Variants in FARS2 observed in about 807,000 individuals in gnomAD.
FARS2 encodes the protein phenylalanyl-tRNA synthetase 2, mitochondrial, also known as phenylalanine--tRNA ligase, mitochondrial.
A neutral mutation model predicts 46.4 loss-of-function variants in FARS2; 40 were observed. The observed-to-expected ratio is 0.86, with a 90% CI of 0.67 to 1.12. FARS2 has a LOEUF of 1.12. Among genes scored for constraint, FARS2 ranks in the 50% most tolerant of loss-of-function variants. The probability of loss-of-function intolerance (pLI) is 0.00; values close to 1 mark genes in which losing one functional copy is unlikely to be tolerated. For synonymous variants in FARS2, 234 were observed against 214.9 expected, an observed-to-expected ratio of 1.09 and a Z score of -0.78; for missense variants, 513 against 567.9, an observed-to-expected ratio of 0.90 and a Z score of 0.98.
At chr6:5,478,704 G>A (rs768095288) in intron 4 of FARS2, among the ~76,000 whole-genome samples, 41 of 152,164 alleles carry the variant, frequency 2.7e-4, no homozygotes, top group Non-Finnish European at 4.9e-4. Flanking sequence ...ATGGTGGTTC[G>A]TCCAGGGTGC....
intron 5 of FARS2, among the ~76,000 whole-genome samples, chr6:5,582,409 C>G (rs1041284455): frequency 3.9e-5 from 6 of 152,240 alleles, no homozygotes; most frequent in Admixed American, 2.6e-4. Flanking sequence ...CCCACGGTGG[C>G]TATGCTGAAT....
At chr6:5,525,062 A>G (rs1561684401) in intron 4 of FARS2, among the ~76,000 whole-genome samples, 2 of 151,946 alleles carry the variant, frequency 1.3e-5, no homozygotes, top group African/African-American at 2.4e-5. Context: ...GTAGAATGCA[A>G]AAGGGTGGTG....
chr6:5,539,940 C>T (rs187753529), intron 4 of FARS2, among the ~76,000 whole-genome samples: 5 of 152,248 alleles, frequency 3.3e-5, no homozygotes, highest in Admixed American at 2.0e-4. Flanking sequence ...ATTCAGAAGA[C>T]GTGCCACATC....
chr6:5,501,132 G>A lies in FARS2; in HGVS notation c.905-44048G>A, dbSNP rs971474568. Among the ~76,000 whole-genome samples the A allele has an allele frequency of 4.6e-5, 7 of 152,086 alleles. No individual in the cohort carries two copies. The East Asian group carries it at 1.4e-3, about 29-fold the overall frequency. On this transcript the variant is annotated intron_variant, in intron 4 of 6. Transcript: ENST00000274680. ...AGACCAAGCCAGCAGATGTAAACAT[G>A]ATATGAATGAACATTGCCACTCGCC...
chr6:5,336,670 A>G (rs536893136), intron 1 of FARS2, among the ~76,000 whole-genome samples: 3 of 152,234 alleles, frequency 2.0e-5, no homozygotes, highest in African/African-American at 4.8e-5. Flanking sequence ...TACACCCTTT[A>G]TTTTAAAATG....
intron 6 of FARS2, chr6:5,695,080 G>GT (rs374111755): frequency 6.6e-6 from 1 of 152,182 alleles, no homozygotes; most frequent in East Asian, 1.9e-4. Context: ...CTCAATTCTG[G>GT]TTTTTTCTTG....
intron 6 of FARS2, among the ~76,000 whole-genome samples, chr6:5,722,245 A>G (rs991034803): frequency 1.3e-5 from 2 of 152,202 alleles, no homozygotes; most frequent in Admixed American, 1.3e-4. Context: ...GGGCAAATAA[A>G]GTCTTAATAG....
upstream of FARS2, among the ~76,000 whole-genome samples, chr6:5,259,838 C>G (rs569515193): frequency 1.4e-4 from 22 of 151,962 alleles, no homozygotes; most frequent in Non-Finnish European, 3.1e-4. Flanking sequence ...AAAAAAAATG[C>G]AGAGAGAGAA....
At chr6:5,496,712 AG>A (rs1767487613) in intron 4 of FARS2, among the ~76,000 whole-genome samples, 1 of 152,242 alleles carries the variant, frequency 6.6e-6, no homozygotes, top group Admixed American at 6.5e-5. Context: ...AAATTGGATT[AG>A]GGCCCATCTT....
At chr6:5,448,768 T>C (rs1004794258) in intron 4 of FARS2, among the ~76,000 whole-genome samples, 1 of 152,232 alleles carries the variant, frequency 6.6e-6, no homozygotes, top group Admixed American at 6.5e-5. Flanking sequence ...ATAGACATCA[T>C]GCCTATTAAG....
chr6:5,546,399 C>T lies in FARS2; in HGVS notation c.1065+1059C>T, dbSNP rs183092307. Among the ~76,000 whole-genome samples, 932 of 151,540 alleles carry T rather than the reference C, an allele frequency of 6.2e-3. 45 individuals carry two copies. Among genetic ancestry groups the T allele is most frequent in the Admixed American group, 0.054 (817 of 15,220 alleles). On this transcript the variant is annotated intron_variant, in intron 5 of 6. Coordinates refer to ENST00000274680, the MANE Select transcript of FARS2 (RefSeq NM_006567.5). ...CTGAGCAGCTGGGATTACAGGCGCC[C>T]ACCACTACGCCCAGCTAATTTTGTG...
intron 4 of FARS2, among the ~76,000 whole-genome samples, chr6:5,493,834 C>A (rs970593555): frequency 2.6e-5 from 4 of 152,214 alleles, no homozygotes; most frequent in African/African-American, 9.7e-5. Flanking sequence ...AATGACAGTT[C>A]AATGACTTTA....
Position 5,431,830 on chromosome 6 carries a change from CTTTTTAAGTCACTATCTGAATTGAGTAA to C in FARS2, c.904+710_904+737del, listed in dbSNP as rs1321255341. ...ATGTAATTTCAGAGCTGTGAGGTTT[CTTTTTAAGTCACTATCTGAATTGAGTAA>C]TTTTTAAGTCACTATCTGAATTGAG... On this transcript the variant is annotated intron_variant, in intron 4 of 6. Coordinates refer to ENST00000274680, the MANE Select transcript of FARS2 (RefSeq NM_006567.5). 50 of 381,990 alleles carry C rather than the reference CTTTTTAAGTCACTATCTGAATTGAGTAA, an allele frequency of 1.3e-4. 1 individual carries two copies. Among genetic ancestry groups the C allele is most frequent in the African/African-American group, 8.0e-4 (38 of 47,476 alleles). The allele number at this position is 381,990 out of a possible 1,614,324, so 23.7% of individuals were successfully genotyped here.
At chr6:5,281,862 A>G (rs1259893094) in intron 1 of FARS2, among the ~76,000 whole-genome samples, 2 of 152,206 alleles carry the variant, frequency 1.3e-5, no homozygotes, top group East Asian at 3.8e-4. Flanking sequence ...GCTCCTAGCC[A>G]TCACTAACCT....
At chr6:5,498,715 C>G (rs757805800) in intron 4 of FARS2, among the ~76,000 whole-genome samples, 5 of 152,174 alleles carry the variant, frequency 3.3e-5, no homozygotes, top group Non-Finnish European at 4.4e-5. Context: ...TTACCACCAG[C>G]ATTTAGTCAC....
intron 4 of FARS2, among the ~76,000 whole-genome samples, chr6:5,436,557 T>G (rs1763531681): frequency 6.6e-6 from 1 of 152,240 alleles, no homozygotes; most frequent in Middle Eastern, 3.2e-3. Context: ...GCAGATAAGA[T>G]TATATCGTTA....
At position 5,368,730 on chromosome 6, in the gene FARS2, C is replaced by T. The variant is rs1380230371; in HGVS notation, c.160C>T (p.Leu54=). 2.5e-6 allele frequency: 4 copies of T among 1,614,182 alleles called. No individual in the cohort carries two copies. In the Admixed American group the frequency reaches 6.7e-5, roughly 27 times the overall value. Residue 54 remains leucine, a synonymous_variant, in exon 2 of 7, where the codon CTG becomes TTG. Transcript: ENST00000274680. ...QRAPGSVVEL[L]GKSYPQDDHS... is the part of the protein sequence containing the mutation. ...AGCTCCAGGCAGTGTGGTGGAGCTG[C>T]TGGGCAAATCCTACCCTCAGGACGA... is the stretch of plus-strand genomic sequence containing the variant.
chr6:5,345,489 A>G (rs1221193168), intron 1 of FARS2, among the ~76,000 whole-genome samples: 2 of 152,216 alleles, frequency 1.3e-5, no homozygotes, highest in Non-Finnish European at 2.9e-5. Context: ...GATTACAGCA[A>G]AAGTTCAGTT....
chr6:5,480,733 T>C (rs1766403037), intron 4 of FARS2, among the ~76,000 whole-genome samples: 1 of 152,212 alleles, frequency 6.6e-6, no homozygotes, highest in Non-Finnish European at 1.5e-5. Flanking sequence ...CTGCTACCAC[T>C]GTCACTTAAA....
Sources: allele counts gnomAD v4.1 joint callset (sites outside exome capture counted in the v4.1 genomes callset), GRCh38; gene constraint gnomAD v4.1.1; transcripts MANE v1.5; gene names NCBI Gene and HGNC (gene_info 2026-07-23, HGNC 2026-07-21).